Variants in UBE4B observed in about 807,000 individuals in gnomAD.
The protein encoded by UBE4B is ubiquitination factor E4B.
In UBE4B, 27 loss-of-function variants were observed where a neutral mutation model predicts 148.1. That is an observed-to-expected ratio of 0.18 (90% CI 0.13 to 0.25). The LOEUF (loss-of-function observed/expected upper bound fraction) is 0.25. Among genes scored for constraint, UBE4B ranks in the 10% least tolerant of loss-of-function variants. The pLI is 1.00. For synonymous variants in UBE4B, 596 were observed against 619.3 expected, an observed-to-expected ratio of 0.96 and a Z score of 0.56; for missense variants, 1,170 against 1,662.4, an observed-to-expected ratio of 0.70 and a Z score of 5.15.
Position 10,138,422 on chromosome 1 carries a change from C to T in UBE4B, c.2363+1217C>T, listed in dbSNP as rs144606978. On this transcript the variant is annotated intron_variant, in intron 17 of 27. Coordinates refer to ENST00000343090, the MANE Select transcript of UBE4B (RefSeq NM_001105562.3). Reference sequence around the variant, plus strand: ...CAATTTTTTGTATTTTTTGTAGAGACGGGGTTTCTCCATGTTGGTCAGGCT... The same window carrying T: ...CAATTTTTTGTATTTTTTGTAGAGATGGGGTTTCTCCATGTTGGTCAGGCT... Among the ~76,000 whole-genome samples, 826 of 151,966 alleles carry T rather than the reference C, an allele frequency of 5.4e-3. 4 individuals are homozygous for T. The highest frequency in any genetic ancestry group is 0.019 in the African/African-American group (793 of 41,440).
chr1:10,157,486 T>A (rs1230364982), intron 21 of UBE4B, among the ~76,000 whole-genome samples: 1 of 151,648 alleles, frequency 6.6e-6, no homozygotes, highest in Non-Finnish European at 1.5e-5. Context: ...TCCAAAAAAA[T>A]AATAATAAAA....
intron 19 of UBE4B, among the ~76,000 whole-genome samples, chr1:10,148,961 A>G (rs1360686513): frequency 6.6e-6 from 1 of 152,172 alleles, no homozygotes; most frequent in Non-Finnish European, 1.5e-5. Context: ...AAAAGAAATC[A>G]AGAAAAGGAA....
At position 10,113,758 on chromosome 1, in the gene UBE4B, A is replaced by G. The variant is rs561369237; in HGVS notation, c.1197-3701A>G. Among the ~76,000 whole-genome samples the G allele has an allele frequency of 2.6e-5, 4 of 152,192 alleles. No individual in the cohort carries two copies. In the East Asian group the frequency reaches 7.7e-4, roughly 29 times the overall value. On this transcript the variant is annotated intron_variant, in intron 7 of 27. Transcript: ENST00000343090. The stretch of plus-strand genomic sequence containing the variant: ...GAGGCCTGGCAGCTGGCAAGGACCT[A>G]TTGACATCAAACATAAGATGCTTTT...
rs139503004 is a variant in UBE4B at position 10,114,635 on chromosome 1, A to C, written c.1197-2824A>C. 4.8e-3 allele frequency among the ~76,000 whole-genome samples: 727 copies of C among 152,282 alleles called. 9 individuals are homozygous for C. Among genetic ancestry groups the C allele is most frequent in the African/African-American group, 0.016 (682 of 41,560 alleles). ...TCCCAGCACTTTGTGAGGCTGAGGC[A>C]GATGGATCATTTGAGGTCAGGAGTT... On this transcript the variant is annotated intron_variant, in intron 7 of 27. Coordinates refer to ENST00000343090, the MANE Select transcript of UBE4B (RefSeq NM_001105562.3).
chr1:10,151,844 T>TA (rs1645980489), intron 21 of UBE4B, among the ~76,000 whole-genome samples: 1 of 151,786 alleles, frequency 6.6e-6, no homozygotes, highest in Non-Finnish European at 1.5e-5. Context: ...CACAAGTTGG[T>TA]AGTGTTATCT....
chr1:10,093,472 T>C (rs781334196), intron 2 of UBE4B, among the ~76,000 whole-genome samples: 13 of 152,190 alleles, frequency 8.5e-5, no homozygotes, highest in Non-Finnish European at 1.3e-4. Context: ...TAGTTTCTTA[T>C]TTCCTTCATA....
chr1:10,126,270 A>G (rs1441762440), intron 10 of UBE4B, among the ~76,000 whole-genome samples: 2 of 152,158 alleles, frequency 1.3e-5, no homozygotes, highest in Admixed American at 6.6e-5. Context: ...ATTGCACTCC[A>G]GTCTGGGTGA....
intron 5 of UBE4B, among the ~76,000 whole-genome samples, chr1:10,104,681 T>A (rs1350385029): frequency 6.6e-6 from 1 of 152,256 alleles, no homozygotes; most frequent in African/African-American, 2.4e-5. Context: ...TTATTCTTAT[T>A]ATAAATCTTA....
Position 10,151,412 on chromosome 1 carries a change from G to A in UBE4B, c.2777G>A (p.Arg926Gln), listed in dbSNP as rs1423580634. ...ATGTTGTGCAACCAGAACTACATCC[G>A]AAACCCATATTTGGTGGCCAAACTG... ...VVMLCNQNYI[R>Q]NPYLVAKLVE... is the part of the protein sequence containing the mutation. The change falls in exon 21 of 28, where the codon CGA becomes CAA. Residue 926 changes from arginine to glutamine, a missense_variant. Arg to Gln is a conservative substitution (Grantham distance 43). Transcript: ENST00000343090. 12 of 1,614,104 alleles carry A rather than the reference G, an allele frequency of 7.4e-6. No homozygotes were observed. Among genetic ancestry groups the A allele is most frequent in the East Asian group, 6.7e-5 (3 of 44,884 alleles).
intron 22 of UBE4B, among the ~76,000 whole-genome samples, chr1:10,160,627 A>C (rs1646145140): frequency 6.6e-6 from 1 of 152,156 alleles, no homozygotes; most frequent in Non-Finnish European, 1.5e-5. Context: ...CACTGGAATG[A>C]GCTTATCATA....
rs1646167724 is a variant in UBE4B, at chr1:10,161,975, G to A, written c.3198+689G>A. The stretch of plus-strand genomic sequence containing the variant: ...CATAAGGGGTTCTCATGTCAAAGTG[G>A]GGACTGCTTTTTCTTCACTTTTTCT... On this transcript the variant is annotated intron_variant, in intron 23 of 27. Coordinates refer to ENST00000343090, the MANE Select transcript of UBE4B (RefSeq NM_001105562.3). The surrounding 1 kb of genome is among the most constrained non-coding windows in gnomAD (Gnocchi z 4.1). 6.6e-6 allele frequency among the ~76,000 whole-genome samples: 1 copy of A among 151,190 alleles called. No individual in the cohort carries two copies. The highest frequency in any genetic ancestry group is 2.4e-5 in the African/African-American group (1 of 40,920).
intron 1 of UBE4B, among the ~76,000 whole-genome samples, chr1:10,039,472 C>T (rs1245299733): frequency 6.6e-6 from 1 of 152,090 alleles, no homozygotes; most frequent in African/African-American, 2.4e-5. Flanking sequence ...CTCTGTTGCC[C>T]AGGCTGGAGT....
rs532459690 is a variant in UBE4B at position 10,143,679 on chromosome 1, A to G, written c.2364-1261A>G. On this transcript the variant is annotated intron_variant, in intron 17 of 27. Transcript: ENST00000343090. ...GTTTGGAGGAGCCATTCTTTTGTCT[A>G]CCATACTCATGTTTCAGTTGTAGAC... Among the ~76,000 whole-genome samples, 7 of 152,316 alleles carry G rather than the reference A, an allele frequency of 4.6e-5. No homozygotes were observed. The East Asian group carries it at 7.7e-4, about 17-fold the overall frequency.
intron 1 of UBE4B, among the ~76,000 whole-genome samples, chr1:10,063,677 G>T (rs116564452): frequency 0.017 from 2,621 of 152,260 alleles, 33 homozygotes; most frequent in Non-Finnish European, 0.027. Flanking sequence ...GGCCAAGTCA[G>T]GCGGATCACT....
chr1:10,096,903 G>A (rs1203623138), intron 3 of UBE4B, among the ~76,000 whole-genome samples: 1 of 151,868 alleles, frequency 6.6e-6, no homozygotes, highest in Non-Finnish European at 1.5e-5. Context: ...GCTGGGTGTG[G>A]TGTTGCATGC....
At chr1:10,102,889 G>A in intron 4 of UBE4B, 59 bp from the exon 5 acceptor site, 1 of 1,520,568 alleles carries the variant, frequency 6.6e-7, no homozygotes, top group Non-Finnish European at 8.9e-7. Context: ...TATTCCTATT[G>A]AAACACCTAA....
chr1:10,131,768 T>C lies in UBE4B; in HGVS notation c.1912-601T>C, dbSNP rs1469547334. On this transcript the variant is annotated intron_variant, in intron 14 of 27. Coordinates refer to ENST00000343090, the MANE Select transcript of UBE4B (RefSeq NM_001105562.3). ...CAGTTTGAGACCAGCCTGACCAACA[T>C]GGTGAAACCCCATCTCTACTAAAAT... is the stretch of plus-strand genomic sequence containing the variant. 3.9e-5 allele frequency among the ~76,000 whole-genome samples: 6 copies of C among 152,070 alleles called. No individual in the cohort carries two copies. In the East Asian group the frequency reaches 1.2e-3, roughly 30 times the overall value.
intron 1 of UBE4B, among the ~76,000 whole-genome samples, chr1:10,038,047 G>A (rs1055865323): frequency 4.6e-5 from 7 of 152,024 alleles, no homozygotes; most frequent in African/African-American, 1.7e-4. Flanking sequence ...TTGGGAGGCC[G>A]AGGTGGGTGG....
intron 7 of UBE4B, among the ~76,000 whole-genome samples, chr1:10,113,771 A>G (rs937203044): frequency 7.9e-5 from 12 of 152,008 alleles, no homozygotes; most frequent in Non-Finnish European, 1.3e-4. Flanking sequence ...GACATCAAAC[A>G]TAAGATGCTT....
Sources: allele counts gnomAD v4.1 joint callset (sites outside exome capture counted in the v4.1 genomes callset), GRCh38; gene constraint gnomAD v4.1.1; non-coding constraint Gnocchi (gnomAD v3.1); transcripts MANE v1.5; gene names NCBI Gene and HGNC (gene_info 2026-07-23, HGNC 2026-07-21).